Variants in CALN1 observed in about 807,000 individuals in gnomAD.
CALN1 encodes calcium-binding protein 8.
In CALN1, 17 loss-of-function variants were observed where a neutral mutation model predicts 30.6. The observed-to-expected ratio is 0.56, with a 90% CI of 0.38 to 0.83. CALN1 has a LOEUF of 0.83. Among genes scored for constraint, CALN1 ranks in the 40% least tolerant of loss-of-function variants. CALN1 has a pLI of 0.00. For missense variants in CALN1, 291 were observed against 354.9 expected (o/e 0.82, Z 1.45); for synonymous variants, 156 against 131.4 (o/e 1.19, Z -1.28).
At chr7:72,089,971 A>T (rs1249526767) in intron 4 of CALN1, among the ~76,000 whole-genome samples, 1 of 152,168 alleles carries the variant, frequency 6.6e-6, no homozygotes, top group Non-Finnish European at 1.5e-5. Context: ...TACAGAGAAA[A>T]ATCTTAGCAA....
intron 5 of CALN1, among the ~76,000 whole-genome samples, chr7:71,910,674 G>A (rs972676744): frequency 2.0e-5 from 3 of 152,084 alleles, no homozygotes; most frequent in Admixed American, 1.3e-4. Flanking sequence ...GAAAAAAAGG[G>A]CTTACTCATT....
intron 4 of CALN1, among the ~76,000 whole-genome samples, chr7:72,070,739 T>C (rs764152330): frequency 4.6e-5 from 7 of 151,968 alleles, no homozygotes; most frequent in Non-Finnish European, 1.0e-4. Context: ...TACAACATTA[T>C]AGATTTTAAT....
rs200582901 is a variant in CALN1 at position 72,352,336 on chromosome 7, A to C, written c.119+50915T>G. 7.6e-3 allele frequency among the ~76,000 whole-genome samples: 1,096 copies of C among 144,444 alleles called. 43 individuals carry two copies. In the East Asian group the frequency reaches 0.12, roughly 16 times the overall value. 94.8% of individuals were successfully genotyped at this position (144,444 alleles called of 152,430 possible). A position where few individuals can be genotyped will look rare whatever the true frequency, so the allele number is the denominator to read the frequency against. ...CCTGGGAGGCAGAGGTTGCAGTGAG[A>C]CACTATTGTGCCATTGCACTCCAGC... is the stretch of plus-strand genomic sequence containing the variant. On this transcript the variant is annotated intron_variant, in intron 2 of 6. Coordinates refer to ENST00000395275, the MANE Select transcript of CALN1 (RefSeq NM_031468.4).
intron 4 of CALN1, among the ~76,000 whole-genome samples, chr7:72,047,572 G>A (rs939138295): frequency 6.6e-6 from 1 of 152,118 alleles, no homozygotes; most frequent in Non-Finnish European, 1.5e-5. Context: ...CAGAGTAACG[G>A]AGCAAAACCT....
At chr7:72,209,021 CTTCCCTCCTTCCTT>C (rs1792116826) in intron 3 of CALN1, among the ~76,000 whole-genome samples, 1 of 16,054 alleles carries the variant, frequency 6.2e-5, no homozygotes, top group African/African-American at 2.8e-4. Flanking sequence ...TCTTTCCTTC[CTTCCCTCCTTCCTT>C]CTCTCTCTCC....
At chr7:71,846,909 C>T (rs933336856) in intron 5 of CALN1, among the ~76,000 whole-genome samples, 16 of 143,678 alleles carry the variant, frequency 1.1e-4, no homozygotes, top group African/African-American at 4.1e-4. Context: ...ATAATATATA[C>T]ATACATATAT....
At chr7:71,882,338 G>A (rs1305858901) in intron 5 of CALN1, among the ~76,000 whole-genome samples, 2 of 152,126 alleles carry the variant, frequency 1.3e-5, no homozygotes, top group Non-Finnish European at 2.9e-5. Context: ...TGATTACACT[G>A]GGGCCACTTT....
chr7:72,278,747 T>A lies in CALN1; in HGVS notation c.183A>T (p.Arg61=). 1 of 1,614,012 alleles carries A rather than the reference T, an allele frequency of 6.2e-7. No homozygotes were observed. The highest frequency in any genetic ancestry group is 1.7e-5 in the Admixed American group (1 of 60,006). Residue 61 remains arginine, a synonymous_variant, in exon 3 of 7, where the codon CGA becomes CGT. Coordinates refer to ENST00000395275, the MANE Select transcript of CALN1 (RefSeq NM_031468.4). The part of the protein sequence containing the change: ...GLLYKGNYLN[R]SLSAGSDSEQ... Reference sequence around the variant, plus strand: ...CGCTGTCACTGCCAGCAGAGAGCGATCGGTTGAGGTAATTCCCCTTGTACA... The same window carrying A: ...CGCTGTCACTGCCAGCAGAGAGCGAACGGTTGAGGTAATTCCCCTTGTACA...
intron 1 of CALN1, among the ~76,000 whole-genome samples, chr7:72,426,000 G>A (rs989803386): frequency 2.6e-5 from 4 of 152,246 alleles, no homozygotes; most frequent in Admixed American, 6.5e-5. Context: ...GCCTCAGGGC[G>A]AAGGTAAGCT....
chr7:71,903,015 A>C (rs1793943114), intron 5 of CALN1, among the ~76,000 whole-genome samples: 1 of 151,992 alleles, frequency 6.6e-6, no homozygotes, highest in Non-Finnish European at 1.5e-5. Flanking sequence ...AAAATTACTT[A>C]AAAATTTTTT....
At chr7:72,370,656 C>CAAA (rs374531193) in intron 2 of CALN1, among the ~76,000 whole-genome samples, 3 of 100,864 alleles carry the variant, frequency 3.0e-5, no homozygotes, top group Non-Finnish European at 3.9e-5. Context: ...GACTCCGTCT[C>CAAA]AAAAAAAAAA....
intron 2 of CALN1, among the ~76,000 whole-genome samples, chr7:72,336,501 C>G (rs1054750034): frequency 6.6e-6 from 1 of 151,672 alleles, no homozygotes; most frequent in Non-Finnish European, 1.5e-5. Flanking sequence ...GTGGCCGGCG[C>G]GGCCCCCAGC....
At chr7:72,446,046 A>C (rs1585738814) in intron 1 of CALN1, among the ~76,000 whole-genome samples, 1 of 152,050 alleles carries the variant, frequency 6.6e-6, no homozygotes, top group East Asian at 1.9e-4. Flanking sequence ...CCCTGCCTCT[A>C]AGCCACAAGA....
chr7:72,466,628 A>T, the CALN1 span, among the ~76,000 whole-genome samples: 1 of 152,022 alleles, frequency 6.6e-6, no homozygotes, highest in Admixed American at 6.6e-5. Flanking sequence ...TTGTAATCCC[A>T]GCTACTCGGG....
chr7:72,496,011 C>T, the CALN1 span, among the ~76,000 whole-genome samples: 2 of 152,196 alleles, frequency 1.3e-5, no homozygotes, highest in African/African-American at 4.8e-5. Context: ...ACCTGTACCT[C>T]CCAGGTTCAA....
chr7:72,025,567 A>C (rs1801002106), intron 4 of CALN1, among the ~76,000 whole-genome samples: 1 of 152,168 alleles, frequency 6.6e-6, no homozygotes, highest in Admixed American at 6.5e-5. Context: ...GACAGTAATC[A>C]GAAGGTGGAC....
At position 72,410,223 on chromosome 7, in the gene CALN1, G is replaced by A. The variant is rs78881185; in HGVS notation, c.-74+1835C>T. ...TGGAGCTCTTAAATATGTAAGAGAG[G>A]TTGTCAAATCTACTTAACTGCTTAT... On this transcript the variant is annotated intron_variant, in intron 1 of 6. Coordinates refer to ENST00000395275, the MANE Select transcript of CALN1 (RefSeq NM_031468.4). Among the ~76,000 whole-genome samples the A allele has an allele frequency of 4.9e-4, 74 of 152,216 alleles. No homozygotes were observed. The East Asian group carries it at 0.013, about 26-fold the overall frequency.
At chr7:72,347,340 C>A (rs1303851421) in intron 2 of CALN1, among the ~76,000 whole-genome samples, 1 of 151,730 alleles carries the variant, frequency 6.6e-6, no homozygotes, top group Admixed American at 6.6e-5. Flanking sequence ...GATCTCAGCT[C>A]ACTGCAGCCT....
intron 5 of CALN1, among the ~76,000 whole-genome samples, chr7:71,818,080 C>T (rs1562806634): frequency 6.6e-6 from 1 of 151,990 alleles, no homozygotes; most frequent in Non-Finnish European, 1.5e-5. Flanking sequence ...AATACAAAAG[C>T]GAACAATACA....
Sources: gnomAD v4.1 joint callset for allele counts (sites outside exome capture counted in the v4.1 genomes callset) on GRCh38, gnomAD v4.1.1 for gene constraint, MANE v1.5 for transcripts, NCBI Gene and HGNC (gene_info 2026-07-23, HGNC 2026-07-21) for gene names.